The following ECHDC1 variants were observed in gnomAD, a reference collection of about 807,000 sequenced individuals.
ECHDC1 encodes the protein ethylmalonyl-CoA decarboxylase 1.
A neutral mutation model predicts 29.7 loss-of-function variants in ECHDC1; 29 were observed. The observed-to-expected ratio is 0.98, with a 90% CI of 0.73 to 1.33. ECHDC1 has a LOEUF of 1.33. Among genes scored for constraint, ECHDC1 ranks in the 40% most tolerant of loss-of-function variants. ECHDC1 has a pLI of 0.00. For missense variants in ECHDC1, 328 were observed against 350.0 expected, an observed-to-expected ratio of 0.94 and a Z score of 0.50; for synonymous variants, 126 against 123.1, an observed-to-expected ratio of 1.02 and a Z score of -0.15.
chr6:127,331,755 A>G (rs537116281), intron 1 of ECHDC1: 8 of 878,662 alleles, frequency 9.1e-6, no homozygotes, highest in Non-Finnish European at 9.6e-6. Flanking sequence ...CCCCTTGGAA[A>G]CAGCCTCTAT....
intron 1 of ECHDC1, among the ~76,000 whole-genome samples, chr6:127,338,262 A>G (rs1032735952): frequency 1.3e-5 from 2 of 152,220 alleles, no homozygotes; most frequent in African/African-American, 4.8e-5. Context: ...GAGAGAAAGC[A>G]TCTTTAAAAG....
At chr6:127,322,408 A>G (rs1215612796) in intron 3 of ECHDC1, among the ~76,000 whole-genome samples, 1 of 152,196 alleles carries the variant, frequency 6.6e-6, no homozygotes. Context: ...CCTTGATAAG[A>G]CTGACAGATG....
At chr6:127,292,814 T>A (rs949649935) in intron 5 of ECHDC1, among the ~76,000 whole-genome samples, 2 of 152,072 alleles carry the variant, frequency 1.3e-5, no homozygotes, top group African/African-American at 4.8e-5. Flanking sequence ...TTGCAAGGGA[T>A]AATCTACGTA....
rs181476776 is a variant in ECHDC1, at chr6:127,289,994, C to G, written c.781G>C (p.Val261Leu). 17 of 1,613,752 alleles carry G rather than the reference C, an allele frequency of 1.1e-5. No individual in the cohort carries two copies. The highest frequency in any genetic ancestry group is 1.4e-5 in the Non-Finnish European group (17 of 1,179,772). Residue 261 changes from valine to leucine, a missense_variant, in exon 6 of 6, where the codon GTT becomes CTT. By Grantham distance (32) the Val-to-Leu change is conservative (BLOSUM62 1). Transcript: ENST00000454859. ...PEVIRALKKS[V>L]CSGRELYLEE... ...AAATATAGCTCTCTGCCTGAACAAA[C>G]AGATTTTTTCAAAGCTCTAATTACT...
At chr6:127,299,307 T>C (rs1199570807) in intron 5 of ECHDC1, among the ~76,000 whole-genome samples, 1 of 152,130 alleles carries the variant, frequency 6.6e-6, no homozygotes, top group African/African-American at 2.4e-5. Flanking sequence ...CCATGCATGT[T>C]ACTGCCCCTG....
intron 3 of ECHDC1, chr6:127,326,444 G>C: frequency 2.4e-6 from 1 of 419,460 alleles, no homozygotes; most frequent in Non-Finnish European, 4.9e-6. Context: ...CTTTAGAGCA[G>C]TGTGAGAACA....
intron 1 of ECHDC1, chr6:127,331,875 A>G (rs1783988705): frequency 2.0e-6 from 2 of 985,292 alleles, no homozygotes; most frequent in Non-Finnish European, 2.4e-6. Flanking sequence ...GTCCTAAGAA[A>G]AATGGGGAGG....
chr6:127,329,873 T>C (rs1389664661), intron 2 of ECHDC1: 1 of 455,510 alleles, frequency 2.2e-6, no homozygotes, highest in Admixed American at 2.4e-5. Context: ...TAGAGAAATC[T>C]CTCTGAATTC....
chr6:127,306,714 AGGTAG>A (rs1781470890), intron 5 of ECHDC1, among the ~76,000 whole-genome samples: 1 of 152,178 alleles, frequency 6.6e-6, no homozygotes, highest in Non-Finnish European at 1.5e-5. Context: ...ACCCAGTCTC[AGGTAG>A]TTCTTTATAG....
chr6:127,293,987 AAGTT>A (rs1392224419), intron 5 of ECHDC1, among the ~76,000 whole-genome samples: 1 of 152,214 alleles, frequency 6.6e-6, no homozygotes, highest in Non-Finnish European at 1.5e-5. Context: ...TTGCCAAATA[AAGTT>A]AGAAATAATA....
Position 127,289,923 on chromosome 6 carries a change from C to A in ECHDC1, c.852G>T (p.Trp284Cys). 6.2e-7 allele frequency: 1 copy of A among 1,613,430 alleles called. No homozygotes were observed. Among genetic ancestry groups the A allele is most frequent in the Non-Finnish European group, 8.5e-7 (1 of 1,179,630 alleles). ...TAGCCTCTAAATTTGCAGGCCCACC[C>A]CAAACTGTTCCTAAAAGATCTCTTT... Reference protein sequence around the residue: ...QNERDLLGTVWGGPANLEAIA... With the variant: ...QNERDLLGTVCGGPANLEAIA... The change falls in exon 6 of 6, where the codon TGG (tryptophan) becomes TGT (cysteine). Residue 284 changes from tryptophan (W) to cysteine (C), a missense_variant. Transcript: ENST00000454859.
intron 5 of ECHDC1, among the ~76,000 whole-genome samples, chr6:127,303,329 A>C (rs987110259): frequency 6.6e-6 from 1 of 152,226 alleles, no homozygotes; most frequent in Non-Finnish European, 1.5e-5. Context: ...GTAAAAGCCA[A>C]GTTGTGAATA....
In ECHDC1 at chr6:127,289,987, GAACA is replaced by G. The variant is rs778587969; in HGVS notation, c.784_787del (p.Cys262GlnfsTer18). 71 of 1,613,660 alleles carry G rather than the reference GAACA, an allele frequency of 4.4e-5. No individual in the cohort carries two copies. The highest frequency in any genetic ancestry group is 3.3e-4 in the Middle Eastern group (2 of 6,058). ...TTCCTCCAAATATAGCTCTCTGCCT[GAACA>G]AACAGATTTTTTCAAAGCTCTAATT... On this transcript the variant is annotated frameshift_variant, in exon 6 of 6. Coordinates refer to ENST00000454859, the MANE Select transcript of ECHDC1 (RefSeq NM_001002030.2). LOFTEE classifies it high-confidence loss of function.
chr6:127,292,701 A>G lies in ECHDC1; in HGVS notation c.498-2424T>C, dbSNP rs569519277. ...CCTAATTTAAGAAGGACATTATTAT[A>G]TTAACAACAAGATATATCCCAAAAT... On this transcript the variant is annotated intron_variant, in intron 5 of 5. Coordinates refer to ENST00000454859, the MANE Select transcript of ECHDC1 (RefSeq NM_001002030.2). Among the ~76,000 whole-genome samples, 240 of 152,194 alleles carry G rather than the reference A, an allele frequency of 1.6e-3. 1 individual carries two copies. The highest frequency in any genetic ancestry group is 2.8e-3 in the Non-Finnish European group (187 of 67,938).
chr6:127,324,708 A>G (rs1411863526), intron 3 of ECHDC1, among the ~76,000 whole-genome samples: 3 of 152,220 alleles, frequency 2.0e-5, no homozygotes, highest in Non-Finnish European at 4.4e-5. Context: ...TCAAAAAACA[A>G]AAGGATAGGG....
rs142458696 is a variant in ECHDC1, at chr6:127,327,815, T to C, written c.221-671A>G. Among the ~76,000 whole-genome samples, 6 of 152,354 alleles carry C rather than the reference T, an allele frequency of 3.9e-5. No homozygotes were observed. The East Asian group carries it at 1.2e-3, about 29-fold the overall frequency. ...ACTCCAAAATTCTATTGGAGCTTCTTTATAATAGACAAATTTAACACAGAA... is the reference window on the plus strand; with the variant it reads ...ACTCCAAAATTCTATTGGAGCTTCTCTATAATAGACAAATTTAACACAGAA... On this transcript the variant is annotated intron_variant, in intron 2 of 5. Transcript: ENST00000454859.
chr6:127,312,053 A>G (rs548212729), intron 5 of ECHDC1, among the ~76,000 whole-genome samples: 96 of 70,462 alleles, frequency 1.4e-3, no homozygotes, highest in African/African-American at 4.2e-3. Context: ...CAAAGATACT[A>G]CTGATAAAAA....
intron 1 of ECHDC1, among the ~76,000 whole-genome samples, chr6:127,336,253 A>G (rs923630266): frequency 6.6e-6 from 1 of 152,128 alleles, no homozygotes; most frequent in Non-Finnish European, 1.5e-5. Context: ...GAAGAATGAG[A>G]GGATACTGTG....
chr6:127,325,378 A>G (rs1783227930), intron 3 of ECHDC1, among the ~76,000 whole-genome samples: 1 of 152,220 alleles, frequency 6.6e-6, no homozygotes, highest in African/African-American at 2.4e-5. Context: ...AAGGGATACC[A>G]GTAGAAAAAG....
Sources: allele counts gnomAD v4.1 joint callset (sites outside exome capture counted in the v4.1 genomes callset), GRCh38; gene constraint gnomAD v4.1.1; transcripts MANE v1.5; gene names NCBI Gene and HGNC (gene_info 2026-07-23, HGNC 2026-07-21).